The following RBM25 variants were observed in gnomAD, a reference collection of about 807,000 sequenced individuals.
The protein encoded by RBM25 is RNA binding motif protein 25.
RBM25 carries 19 observed loss-of-function variants against 120.7 expected under a neutral mutation model. The observed-to-expected ratio is 0.16, with a 90% CI of 0.11 to 0.23. The LOEUF (loss-of-function observed/expected upper bound fraction) is 0.23. Among genes scored for constraint, RBM25 ranks in the 10% least tolerant of loss-of-function variants. RBM25 has a pLI of 1.00. For missense variants in RBM25, 605 were observed against 1,041.5 expected (o/e 0.58, Z 5.77); for synonymous variants, 390 against 326.7 (o/e 1.19, Z -2.09).
intron 1 of RBM25, among the ~76,000 whole-genome samples, chr14:73,062,741 T>C (rs924453955): frequency 6.6e-6 from 1 of 151,538 alleles, no homozygotes; most frequent in Non-Finnish European, 1.5e-5. Context: ...TCTGTTTTAA[T>C]TTCAATGAGT....
At chr14:73,088,212 T>G in intron 6 of RBM25, 51 bp downstream of exon 6, 6 of 1,597,498 alleles carry the variant, frequency 3.8e-6, no homozygotes, top group Non-Finnish European at 5.1e-6. Context: ...GCTATTTCAG[T>G]GTAGTGCTTC....
At chr14:73,097,188 TTTCTTTTC>T in intron 7 of RBM25, 88 bp downstream of exon 7, 1 of 642,498 alleles carries the variant, frequency 1.6e-6, no homozygotes, top group East Asian at 4.4e-5. Flanking sequence ...AGTTTTCTTT[TTTCTTTTC>T]TTTTTTTTTT....
chr14:73,071,170 A>G (rs1594899152), intron 1 of RBM25, among the ~76,000 whole-genome samples: 1 of 144,212 alleles, frequency 6.9e-6, no homozygotes, highest in Non-Finnish European at 1.5e-5. Flanking sequence ...TGAACCCGGG[A>G]GGCGGAGGTT....
chr14:73,100,177 G>A, intron 9 of RBM25: 1 of 527,320 alleles, frequency 1.9e-6, no homozygotes, highest in Non-Finnish European at 3.4e-6. Flanking sequence ...ATAGATTTAA[G>A]TTGAGTGGGG....
chr14:73,106,344 CT>C, intron 12 of RBM25, 59 bp downstream of exon 12: 1 of 1,295,158 alleles, frequency 7.7e-7, no homozygotes, highest in Non-Finnish European at 1.1e-6. Flanking sequence ...TGTATCTTTA[CT>C]GCTAACTACA....
chr14:73,093,512 C>G (rs1241413166), intron 6 of RBM25, among the ~76,000 whole-genome samples: 1 of 152,114 alleles, frequency 6.6e-6, no homozygotes, highest in Non-Finnish European at 1.5e-5. Flanking sequence ...TTTCTGGTTT[C>G]TCCCTCTCTG....
At chr14:73,112,098 A>G in intron 16 of RBM25, 54 bp from the exon 17 acceptor site, 1 of 1,455,954 alleles carries the variant, frequency 6.9e-7, no homozygotes, top group South Asian at 1.3e-5. Context: ...AGCTTTAATA[A>G]CTGTTATAGC....
At chr14:73,082,107 T>G (rs991080551) in intron 4 of RBM25, among the ~76,000 whole-genome samples, 5 of 152,170 alleles carry the variant, frequency 3.3e-5, no homozygotes, top group African/African-American at 1.2e-4. Context: ...TTTGATTTCC[T>G]ATTTTCCATC....
chr14:73,119,601 T>A, intron 18 of RBM25, 112 bp from the exon 19 acceptor site: 5 of 1,533,412 alleles, frequency 3.3e-6, no homozygotes, highest in Non-Finnish European at 4.4e-6. Context: ...AGCATTTAAG[T>A]AATAAGTGCT....
Position 73,103,986 on chromosome 14 carries a change from A to T in RBM25, c.1154+508A>T, listed in dbSNP as rs1395893973. On this transcript the variant is annotated intron_variant, in intron 10 of 18. Coordinates refer to ENST00000261973, the MANE Select transcript of RBM25 (RefSeq NM_021239.3). ...CACACACACACACACACACACACAC[A>T]CACACACACTCTCTCTCTCTCTCTC... Among the ~76,000 whole-genome samples, 397 of 117,804 alleles carry T rather than the reference A, an allele frequency of 3.4e-3. 6 individuals are homozygous for T. Among genetic ancestry groups the T allele is most frequent in the African/African-American group, 9.6e-3 (274 of 28,466 alleles). The allele number at this position is 117,804 out of a possible 152,430, so 77.3% of individuals were successfully genotyped here.
chr14:73,087,105 C>A (rs920023699), intron 5 of RBM25, among the ~76,000 whole-genome samples: 4 of 152,072 alleles, frequency 2.6e-5, no homozygotes, highest in Non-Finnish European at 4.4e-5. Flanking sequence ...TTTCTGTTTC[C>A]TGTCATTATA....
At chr14:73,113,700 A>G (rs1449918568) in intron 17 of RBM25, among the ~76,000 whole-genome samples, 1 of 152,208 alleles carries the variant, frequency 6.6e-6, no homozygotes, top group East Asian at 2.0e-4. Context: ...CTCAAAATAA[A>G]AAAAAAGAAA....
chr14:73,062,222 A>C (rs528356739), intron 1 of RBM25, among the ~76,000 whole-genome samples: 2 of 151,490 alleles, frequency 1.3e-5, no homozygotes, highest in South Asian at 4.2e-4. Flanking sequence ...TTTCCAAACA[A>C]TTGAGTATTT....
rs760012034 is a variant in RBM25, at chr14:73,107,876, T to C, written c.1518T>C (p.Asp506=). 1.9e-6 allele frequency: 3 copies of C among 1,601,662 alleles called. No individual in the cohort carries two copies. Among genetic ancestry groups the C allele is most frequent in the South Asian group, 2.2e-5 (2 of 89,226 alleles). Residue 506 remains aspartate (D), a synonymous_variant, in exon 13 of 19, where the codon GAT becomes GAC. Coordinates refer to ENST00000261973, the MANE Select transcript of RBM25 (RefSeq NM_021239.3). ...LKEFLEDYDD[D]RDDPKYYRGS... The stretch of plus-strand genomic sequence containing the variant: ...AATTCTTAGAAGACTATGATGATGA[T>C]AGAGATGACCCCAAATATTACAGGT...
At chr14:73,117,101 C>T (rs1896444957) in intron 18 of RBM25, among the ~76,000 whole-genome samples, 1 of 150,762 alleles carries the variant, frequency 6.6e-6, no homozygotes, top group Non-Finnish European at 1.5e-5. Context: ...AGTTCTTCAA[C>T]TAAAGTCAAA....
chr14:73,076,032 C>T (rs995238270), intron 2 of RBM25, among the ~76,000 whole-genome samples: 1 of 152,074 alleles, frequency 6.6e-6, no homozygotes, highest in Admixed American at 6.6e-5. Flanking sequence ...TGAGGATCAC[C>T]GAACCACATG....
Position 73,063,222 on chromosome 14 carries a change from TC to T in RBM25, c.-16+4518del, listed in dbSNP as rs200598939. On this transcript the variant is annotated intron_variant, in intron 1 of 18. Transcript: ENST00000261973. ...TGGAGTGCAGTGGCACAATCTCTGC[TC>T]ACTGCAAGCTCCGCCTCCCGGGTTC... 3.2e-4 allele frequency among the ~76,000 whole-genome samples: 49 copies of T among 151,290 alleles called. No individual in the cohort carries two copies. In the East Asian group the frequency reaches 9.5e-3, roughly 29 times the overall value.
intron 7 of RBM25, among the ~76,000 whole-genome samples, chr14:73,098,443 T>G (rs17182125): frequency 0.056 from 8,533 of 152,280 alleles, 325 homozygotes; most frequent in Non-Finnish European, 0.089. Flanking sequence ...ACGTGTTTTA[T>G]ATGCATGCAT....
chr14:73,096,579 A>G (rs534819531), intron 6 of RBM25, among the ~76,000 whole-genome samples: 11 of 152,198 alleles, frequency 7.2e-5, no homozygotes, highest in African/African-American at 2.4e-4. Flanking sequence ...TCAACTGTTT[A>G]AAAGAGTCGT....
Sources: gnomAD v4.1 joint callset for allele counts (sites outside exome capture counted in the v4.1 genomes callset) on GRCh38, gnomAD v4.1.1 for gene constraint, MANE v1.5 for transcripts, NCBI Gene and HGNC (gene_info 2026-07-23, HGNC 2026-07-21) for gene names.